RPS6KA2: variants seen among roughly 807,000 people sequenced by gnomAD.
RPS6KA2 encodes ribosomal protein S6 kinase alpha-2.
RPS6KA2 carries 42 observed loss-of-function variants against 91.8 expected under a neutral mutation model. The ratio of observed to expected loss-of-function variants is 0.46; its 90% CI spans 0.36 to 0.59. The LOEUF is 0.59. Ranked by LOEUF, RPS6KA2 falls within the 20% of genes least tolerant of loss-of-function variation. RPS6KA2 has a pLI of 0.00. For synonymous variants in RPS6KA2, 414 were observed against 393.6 expected, an observed-to-expected ratio of 1.05 and a Z score of -0.61; for missense variants, 798 against 978.5, an observed-to-expected ratio of 0.82 and a Z score of 2.46.
At chr6:166,708,986 G>A (rs529941303) in intron 2 of RPS6KA2, among the ~76,000 whole-genome samples, 11 of 152,310 alleles carry the variant, frequency 7.2e-5, no homozygotes, top group Admixed American at 1.3e-4. Flanking sequence ...ACACCGCTCC[G>A]TGTTGATATT....
At chr6:166,421,889 A>G (rs1257376563) in intron 17 of RPS6KA2, among the ~76,000 whole-genome samples, 1 of 152,004 alleles carries the variant, frequency 6.6e-6, no homozygotes, top group Non-Finnish European at 1.5e-5. Flanking sequence ...TAACCTGGTT[A>G]CTTTCATTTT....
At chr6:166,451,360 C>T in intron 12 of RPS6KA2, 127 bp from the exon 13 acceptor site, 128 of 725,824 alleles carry the variant, frequency 1.8e-4, no homozygotes, top group Middle Eastern at 4.3e-4. Context: ...TGTGTGTGTG[C>T]ACGTGGCGTA....
Position 166,508,403 on chromosome 6 carries a change from G to A in RPS6KA2, c.380-121C>T, listed in dbSNP as rs1174184833. On this transcript the variant is annotated intron_variant, in intron 4 of 20. Coordinates refer to ENST00000265678, the MANE Select transcript of RPS6KA2 (RefSeq NM_021135.6). This position sits in a 1 kb window ranked among gnomAD's most constrained non-coding sequence, Gnocchi z 4.3. ...CGGGAGGCTGAGTCACTTGAGAAACGGCAGGACCCCGGCTGGTGACCAGCT... is the reference window on the plus strand; with the variant it reads ...CGGGAGGCTGAGTCACTTGAGAAACAGCAGGACCCCGGCTGGTGACCAGCT... 6.0e-6 allele frequency: 4 copies of A among 667,556 alleles called. No individual in the cohort carries two copies. The highest frequency in any genetic ancestry group is 1.8e-5 in the South Asian group (1 of 56,124). The allele number at this position is 667,556 out of a possible 1,614,324, so 41.4% of individuals were successfully genotyped here.
At chr6:166,632,076 C>T (rs1333915086), upstream of RPS6KA2, among the ~76,000 whole-genome samples, 1 of 152,094 alleles carries the variant, frequency 6.6e-6, no homozygotes, top group Non-Finnish European at 1.5e-5. Context: ...AGCTTTGTAC[C>T]CTTTGAGCAA....
chr6:166,823,121 G>A (rs891810028), intron 2 of RPS6KA2, among the ~76,000 whole-genome samples: 2 of 152,196 alleles, frequency 1.3e-5, no homozygotes, highest in African/African-American at 4.8e-5. Flanking sequence ...ACAAAAGACA[G>A]GAGCTACATG....
chr6:166,595,575 G>A (rs1366138131), intron 1 of RPS6KA2, among the ~76,000 whole-genome samples: 2 of 152,224 alleles, frequency 1.3e-5, no homozygotes, highest in African/African-American at 4.8e-5. Flanking sequence ...TGCAGTCACA[G>A]CTGGTTCTAT....
chr6:166,550,778 A>ATG (rs1562573499), intron 1 of RPS6KA2, among the ~76,000 whole-genome samples: 22 of 151,976 alleles, frequency 1.4e-4, no homozygotes, highest in Non-Finnish European at 2.4e-4. Flanking sequence ...CAAGGCGGTC[A>ATG]GATCACAAGG....
chr6:166,418,319 G>C lies in RPS6KA2; in HGVS notation c.1844C>G (p.Pro615Arg). 1 of 1,613,162 alleles carries C rather than the reference G, an allele frequency of 6.2e-7. No homozygotes were observed. Among genetic ancestry groups the C allele is most frequent in the Non-Finnish European group, 8.5e-7 (1 of 1,179,740 alleles). The part of the protein sequence containing the change: ...LAGFTPFANG[P>R]DDTPEEILAR... ...CAGAATCTCCTCAGGGGTATCGTCT[G>C]GCCCATTTGCAAAAGGGGTAAATCT... Residue 615 changes from proline (P) to arginine (R), a missense_variant, in exon 19 of 21, where the codon CCA becomes CGA. Coordinates refer to ENST00000265678, the MANE Select transcript of RPS6KA2 (RefSeq NM_021135.6). This position sits in a 1 kb window ranked among gnomAD's most constrained non-coding sequence, Gnocchi z 4.9.
At chr6:166,575,132 C>T (rs1007039626) in intron 1 of RPS6KA2, among the ~76,000 whole-genome samples, 10 of 152,222 alleles carry the variant, frequency 6.6e-5, no homozygotes, top group African/African-American at 2.4e-4. Context: ...ACGCCTGGCT[C>T]TTTTAACACA....
At chr6:166,766,869 C>G (rs183332743) in intron 2 of RPS6KA2, among the ~76,000 whole-genome samples, 4 of 152,254 alleles carry the variant, frequency 2.6e-5, no homozygotes, top group Non-Finnish European at 5.9e-5. Context: ...GCTGCCACCC[C>G]TGTTCTGGAA....
rs746400266 is a variant in RPS6KA2 at position 166,490,771 on chromosome 6, C to T, written c.748-30G>A. 8 of 1,577,194 alleles carry T rather than the reference C, an allele frequency of 5.1e-6. No homozygotes were observed. In the East Asian group the frequency reaches 1.8e-4, roughly 36 times the overall value. ...AGAGCAACACAGAGCACAGTGAGTT[C>T]ATTCATCCAGATGGACCCGGCTTCA... On this transcript the variant is annotated intron_variant, in intron 8 of 20. Transcript: ENST00000265678. This position sits in a 1 kb window ranked among gnomAD's most constrained non-coding sequence, Gnocchi z 4.2.
intron 2 of RPS6KA2, among the ~76,000 whole-genome samples, chr6:166,743,019 C>T (rs1192831605): frequency 1.3e-5 from 2 of 152,244 alleles, no homozygotes; most frequent in African/African-American, 2.4e-5. Flanking sequence ...GCAGCTAGCG[C>T]ACTTCCCCAA....
rs141024970 is a variant in RPS6KA2, at chr6:166,706,068, T to C, written c.123+152132A>G. Among the ~76,000 whole-genome samples the C allele has an allele frequency of 9.8e-3, 1,498 of 152,326 alleles. 10 individuals are homozygous for C. The highest frequency in any genetic ancestry group is 0.036 in the East Asian group (185 of 5,186). On this transcript the variant is annotated intron_variant, in intron 2 of 21. Transcript: ENST00000503859. The stretch of plus-strand genomic sequence containing the variant: ...ACCAGACACTGGATCTGTGGGTTCC[T>C]CGATCTTGGACTTCCAGCCTCCAGA...
At chr6:166,711,785 AG>A (rs1789863264) in intron 2 of RPS6KA2, among the ~76,000 whole-genome samples, 8 of 16,756 alleles carry the variant, frequency 4.8e-4, no homozygotes, top group Non-Finnish European at 1.4e-3. Flanking sequence ...GAAGAAAGAA[AG>A]AGAGAGAGAG....
chr6:166,804,821 A>T (rs1225803488), intron 2 of RPS6KA2, among the ~76,000 whole-genome samples: 2 of 152,258 alleles, frequency 1.3e-5, no homozygotes, highest in East Asian at 3.8e-4. Flanking sequence ...AACAAGACAT[A>T]TGATCTGGAT....
intron 1 of RPS6KA2, among the ~76,000 whole-genome samples, chr6:166,596,970 C>T (rs3799596): frequency 0.084 from 12,763 of 151,982 alleles, 689 homozygotes; most frequent in East Asian, 0.27. Flanking sequence ...ACCACAGATG[C>T]GCCAGTTGGG....
intron 2 of RPS6KA2, among the ~76,000 whole-genome samples, chr6:166,804,229 T>C (rs965745956): frequency 6.6e-6 from 1 of 152,122 alleles, no homozygotes; most frequent in African/African-American, 2.4e-5. Context: ...CTGTCACAGA[T>C]AAATAACAGC....
At chr6:166,499,347 C>G (rs1177171940) in intron 7 of RPS6KA2, among the ~76,000 whole-genome samples, 1 of 152,198 alleles carries the variant, frequency 6.6e-6, no homozygotes, top group Admixed American at 6.5e-5. Context: ...AGCAGCAGTG[C>G]CCAGAGAGGC....
chr6:166,690,668 G>A (rs1789180069), intron 2 of RPS6KA2, among the ~76,000 whole-genome samples: 1 of 152,158 alleles, frequency 6.6e-6, no homozygotes, highest in Admixed American at 6.5e-5. Context: ...AGGGGACGGG[G>A]GCTCAGCTCT....
Sources: gnomAD v4.1 joint callset for allele counts (sites outside exome capture counted in the v4.1 genomes callset) on GRCh38, gnomAD v4.1.1 for gene constraint, Gnocchi (gnomAD v3.1) non-coding constraint, MANE v1.5 for transcripts, NCBI Gene and HGNC (gene_info 2026-07-23, HGNC 2026-07-21) for gene names.